The following MMP10 variants were observed in gnomAD, a reference collection of about 807,000 sequenced individuals.
MMP10 encodes the protein stromelysin-2.
A neutral mutation model predicts 49.1 loss-of-function variants in MMP10; 50 were observed. The observed-to-expected ratio is 1.02, with a 90% CI of 0.81 to 1.29. The LOEUF is 1.29. Among genes scored for constraint, MMP10 ranks in the 50% most tolerant of loss-of-function variants. The probability of loss-of-function intolerance (pLI) is 0.00; values close to 1 mark genes in which losing one functional copy is unlikely to be tolerated. For synonymous variants in MMP10, 229 were observed against 201.6 expected, an observed-to-expected ratio of 1.14 and a Z score of -1.15; for missense variants, 613 against 563.8, an observed-to-expected ratio of 1.09 and a Z score of -0.88.
chr11:102,778,192 G>A (rs1857772738), intron 4 of MMP10, among the ~76,000 whole-genome samples: 2 of 152,200 alleles, frequency 1.3e-5, no homozygotes, highest in South Asian at 4.2e-4. Flanking sequence ...TCAGTTCCTG[G>A]CATTTTCTCC....
chr11:102,775,078 A>C, intron 7 of MMP10, 110 bp downstream of exon 7: 1 of 787,092 alleles, frequency 1.3e-6, no homozygotes, highest in Middle Eastern at 4.2e-4. Flanking sequence ...AAGTGTTAGC[A>C]CAAGGTCTTT....
At chr11:102,779,007 C>T (rs553758776) in intron 3 of MMP10, among the ~76,000 whole-genome samples, 1 of 152,178 alleles carries the variant, frequency 6.6e-6, no homozygotes, top group Non-Finnish European at 1.5e-5. Context: ...CCCTTTCTAT[C>T]GTGTGAGGAC....
chr11:102,776,482 A>G (rs1857739273), intron 5 of MMP10, 58 bp from the exon 6 acceptor site: 1 of 1,594,942 alleles, frequency 6.3e-7, no homozygotes, highest in South Asian at 1.1e-5. Flanking sequence ...GCATCTGTCA[A>G]TTTGTGTGCC....
chr11:102,778,812 T>A (rs470277), intron 3 of MMP10, 63 bp from the exon 4 acceptor site: 1,474,451 of 1,586,352 alleles, frequency 0.93, 685,792 homozygotes, highest in African/African-American at 0.98. Flanking sequence ...CTGTTCCAAT[T>A]AAACAACAGT....
In MMP10 at chr11:102,778,606, G is replaced by T. The variant is rs17860956; in HGVS notation, c.622+18C>A. 1 of 1,612,184 alleles carries T rather than the reference G, an allele frequency of 6.2e-7. No homozygotes were observed. Among genetic ancestry groups the T allele is most frequent in the Non-Finnish European group, 8.5e-7 (1 of 1,179,382 alleles). On this transcript the variant is annotated intron_variant, in intron 4 of 9. Transcript: ENST00000279441. Reference sequence around the variant, plus strand: ...TGGACATTATTCCTGAAATGTTCCCGAGAGGTTTACGACCCACCTGATGCA... The same window carrying T: ...TGGACATTATTCCTGAAATGTTCCCTAGAGGTTTACGACCCACCTGATGCA...
At position 102,779,013 on chromosome 11, in the gene MMP10, A is replaced by T. The variant is rs189536108; in HGVS notation, c.496+200T>A. 1.6e-4 allele frequency among the ~76,000 whole-genome samples: 25 copies of T among 152,352 alleles called. No homozygotes were observed. The East Asian group carries it at 4.8e-3, about 29-fold the overall frequency. ...ACCTCCTGGCCCTTTCTATCGTGTGAGGACACAGAAGGTACCATCTATGAG... is the reference window on the plus strand; with the variant it reads ...ACCTCCTGGCCCTTTCTATCGTGTGTGGACACAGAAGGTACCATCTATGAG... On this transcript the variant is annotated intron_variant, in intron 3 of 9. Transcript: ENST00000279441.
chr11:102,780,443 A>G (rs1857813318), intron 1 of MMP10, 44 bp downstream of exon 1: 1 of 1,536,174 alleles, frequency 6.5e-7, no homozygotes, highest in Non-Finnish European at 9.0e-7. Context: ...AAGTAGACAC[A>G]ATTGAGCTGG....
intron 9 of MMP10, 83 bp from the exon 10 acceptor site, chr11:102,770,976 T>C: frequency 1.1e-6 from 1 of 897,864 alleles, no homozygotes; most frequent in Non-Finnish European, 1.8e-6. Flanking sequence ...AAGTACAAGT[T>C]AATAATGGAG....
chr11:102,773,278 T>C lies in MMP10; in HGVS notation c.1067-272A>G, dbSNP rs17860988. ...TATTTATAGATCAGTTTTAGTTATT[T>C]CTTATAATTGTTGGTAAACTTTTAA... is the stretch of plus-strand genomic sequence containing the variant. On this transcript the variant is annotated intron_variant, in intron 7 of 9. Transcript: ENST00000279441. Among the ~76,000 whole-genome samples the C allele has an allele frequency of 6.8e-3, 1,039 of 152,338 alleles. 13 individuals carry two copies. The highest frequency in any genetic ancestry group is 0.024 in the African/African-American group (989 of 41,580).
Position 102,780,540 on chromosome 11 carries a change from A to T in MMP10, c.52T>A (p.Tyr18Asn). ...TCTTTTGCTGCCCCACTCAGAGGAT[A>T]GGCAGAGCAGACTGGCAGACACAAC... ...VLLCLPVCSA[Y>N]PLSGAAKEED... Residue 18 changes from tyrosine (Y) to asparagine (N), a missense_variant, in exon 1 of 10, where the codon TAT (tyrosine) becomes AAT (asparagine). Tyr to Asn is a moderately radical substitution (Grantham distance 143, BLOSUM62 -2). Coordinates refer to ENST00000279441, the MANE Select transcript of MMP10 (RefSeq NM_002425.3). 1 of 1,614,030 alleles carries T rather than the reference A, an allele frequency of 6.2e-7. No individual in the cohort carries two copies. Among genetic ancestry groups the T allele is most frequent in the Non-Finnish European group, 8.5e-7 (1 of 1,179,968 alleles).
intron 4 of MMP10, 103 bp from the exon 5 acceptor site, chr11:102,776,879 G>A (rs940359897): frequency 5.1e-5 from 66 of 1,297,720 alleles, no homozygotes; most frequent in South Asian, 4.4e-4. Flanking sequence ...AAACCACAAT[G>A]TCTTTTCAGT....
At position 102,779,070 on chromosome 11, in the gene MMP10, G is replaced by A. The variant is rs545584375; in HGVS notation, c.496+143C>T. 1.8e-5 allele frequency: 22 copies of A among 1,204,654 alleles called. No individual in the cohort carries two copies. The Admixed American group carries it at 5.1e-4, about 28-fold the overall frequency. 74.6% of individuals were successfully genotyped at this position (1,204,654 alleles called of 1,614,324 possible). On this transcript the variant is annotated intron_variant, in intron 3 of 9. Transcript: ENST00000279441. Reference sequence around the variant, plus strand: ...GCTCTCATCAGACACTAAATCTGCTGGCACCTTAATCTTGGACTTCCCAGC... The same window carrying A: ...GCTCTCATCAGACACTAAATCTGCTAGCACCTTAATCTTGGACTTCCCAGC...
rs1236765041 is a variant in MMP10 at position 102,780,488 on chromosome 11, T to G, written c.104A>C (p.Gln35Pro). 6.2e-7 allele frequency: 1 copy of G among 1,613,786 alleles called. No individual in the cohort carries two copies. Among genetic ancestry groups the G allele is most frequent in the Admixed American group, 1.7e-5 (1 of 59,940 alleles). ...KEEDSNKDLA[Q>P]QYLEKYYNLE... ...GCAATAGATGCCACCGTTAATTACC[T>G]GGGCAAGATCCTTGTTGGAGTCCTC... is the stretch of plus-strand genomic sequence containing the variant. Residue 35 changes from glutamine to proline, a missense_variant and splice_region_variant, in exon 1 of 10, where the codon CAG becomes CCG. Coordinates refer to ENST00000279441, the MANE Select transcript of MMP10 (RefSeq NM_002425.3).
At chr11:102,773,077 TGTG>T (rs1336433899) in intron 7 of MMP10, 71 bp from the exon 8 acceptor site, 25 of 1,442,132 alleles carry the variant, frequency 1.7e-5, no homozygotes, top group Non-Finnish European at 2.2e-5. Flanking sequence ...AGTGCATTGT[TGTG>T]GTAAAGAGGA....
intron 1 of MMP10, among the ~76,000 whole-genome samples, chr11:102,779,999 T>A (rs543472675): frequency 2.0e-5 from 3 of 152,206 alleles, no homozygotes; most frequent in Non-Finnish European, 4.4e-5. Context: ...AAAGAAACCC[T>A]CTTTTAACAT....
intron 4 of MMP10, 23 bp from the exon 5 acceptor site, chr11:102,776,799 C>T: frequency 1.2e-6 from 2 of 1,613,450 alleles, no homozygotes; most frequent in Non-Finnish European, 1.7e-6. Flanking sequence ...CATAAATGTT[C>T]AGAATTCACC....
At chr11:102,775,513 G>T (rs1013033087) in intron 6 of MMP10, among the ~76,000 whole-genome samples, 192 bp from the exon 7 acceptor site, 1 of 151,998 alleles carries the variant, frequency 6.6e-6, no homozygotes, top group Non-Finnish European at 1.5e-5. Context: ...TATTTAGCTT[G>T]GTTCCATTCT....
At chr11:102,777,829 AC>A (rs1857767695) in intron 4 of MMP10, among the ~76,000 whole-genome samples, 1 of 152,162 alleles carries the variant, frequency 6.6e-6, no homozygotes, top group African/African-American at 2.4e-5. Context: ...GTCTCGTGAG[AC>A]AGAGTCTCAC....
chr11:102,774,336 T>A (rs1350856137), intron 7 of MMP10, among the ~76,000 whole-genome samples: 1 of 151,802 alleles, frequency 6.6e-6, no homozygotes. Context: ...AAACAAAAAT[T>A]AAGGCAACAA....
Sources: gnomAD v4.1 joint callset for allele counts (sites outside exome capture counted in the v4.1 genomes callset) on GRCh38, gnomAD v4.1.1 for gene constraint, MANE v1.5 for transcripts, NCBI Gene and HGNC (gene_info 2026-07-23, HGNC 2026-07-21) for gene names.